The following MRPL1 variants were observed in gnomAD, a reference collection of about 807,000 sequenced individuals.
The protein encoded by MRPL1 is mitochondrial ribosomal protein L1, also known as large ribosomal subunit protein uL1m.
A neutral mutation model predicts 38.0 loss-of-function variants in MRPL1; 28 were observed. That is an observed-to-expected ratio of 0.74 (90% CI 0.55 to 1.01). The LOEUF (loss-of-function observed/expected upper bound fraction) is 1.01. MRPL1 is among the 50% of genes least tolerant of loss of function. MRPL1 has a pLI of 0.00. For synonymous variants in MRPL1, 123 were observed against 126.7 expected, an observed-to-expected ratio of 0.97 and a Z score of 0.20; for missense variants, 358 against 389.8, an observed-to-expected ratio of 0.92 and a Z score of 0.69.
chr4:77,914,830 T>C (rs184870163), intron 7 of MRPL1, among the ~76,000 whole-genome samples: 216 of 152,220 alleles, frequency 1.4e-3, no homozygotes, highest in African/African-American at 4.9e-3. Flanking sequence ...AGCGTCCTTA[T>C]TTTGGATAAA....
intron 6 of MRPL1, among the ~76,000 whole-genome samples, chr4:77,900,905 A>G (rs1736020011): frequency 6.6e-6 from 1 of 152,092 alleles, no homozygotes; most frequent in Admixed American, 6.6e-5. Context: ...AGAAGGAAAG[A>G]GTCTGGTAGT....
At chr4:77,892,718 C>T (rs1296995385) in intron 5 of MRPL1, among the ~76,000 whole-genome samples, 1 of 152,162 alleles carries the variant, frequency 6.6e-6, no homozygotes, top group Admixed American at 6.5e-5. Flanking sequence ...GAAATTGCCT[C>T]TGCTTTCCTA....
At chr4:77,899,306 C>T (rs1405459722) in intron 6 of MRPL1, among the ~76,000 whole-genome samples, 1 of 151,968 alleles carries the variant, frequency 6.6e-6, no homozygotes, top group African/African-American at 2.4e-5. Context: ...CATGCCTGGC[C>T]ATTTATGCTC....
At chr4:77,874,453 T>C (rs950703327) in intron 2 of MRPL1, among the ~76,000 whole-genome samples, 1 of 152,206 alleles carries the variant, frequency 6.6e-6, no homozygotes, top group Admixed American at 6.5e-5. Flanking sequence ...CAAGTGATCC[T>C]GCAAGTGAAT....
chr4:77,935,433 C>T (rs776369905), intron 7 of MRPL1, among the ~76,000 whole-genome samples: 11 of 152,068 alleles, frequency 7.2e-5, no homozygotes, highest in South Asian at 4.1e-4. Context: ...CTCGCTCTCT[C>T]GCCCAGGCTG....
At chr4:77,886,810 T>TTTTTTTTG (rs1735688040) in intron 4 of MRPL1, among the ~76,000 whole-genome samples, 2 of 137,146 alleles carry the variant, frequency 1.5e-5, no homozygotes, top group Non-Finnish European at 3.1e-5. Flanking sequence ...TTTTTTTTTT[T>TTTTTTTTG]GAGATGGAGT....
At chr4:77,945,635 G>A (rs773928813) in intron 7 of MRPL1, among the ~76,000 whole-genome samples, 1 of 151,946 alleles carries the variant, frequency 6.6e-6, no homozygotes, top group African/African-American at 2.4e-5. Context: ...GTGTCGGCCG[G>A]CTGAGAAATA....
intron 7 of MRPL1, among the ~76,000 whole-genome samples, chr4:77,949,092 T>C (rs1403266206): frequency 2.0e-5 from 3 of 152,216 alleles, no homozygotes. Context: ...AAAATTGATT[T>C]ATTTGGCACA....
intron 1 of MRPL1, among the ~76,000 whole-genome samples, chr4:77,869,539 C>G (rs1735228545): frequency 6.6e-6 from 1 of 152,096 alleles, no homozygotes; most frequent in Admixed American, 6.6e-5. Context: ...TTCTGGTTGT[C>G]ATGACTGATA....
intron 2 of MRPL1, among the ~76,000 whole-genome samples, chr4:77,872,253 C>G (rs1450704308): frequency 1.3e-5 from 2 of 152,126 alleles, no homozygotes; most frequent in Non-Finnish European, 2.9e-5. Context: ...CTTTTTAGAA[C>G]AGAACCCACT....
chr4:77,920,154 T>C lies in MRPL1; in HGVS notation c.777+10782T>C, dbSNP rs543771528. Among the ~76,000 whole-genome samples, 6 of 152,336 alleles carry C rather than the reference T, an allele frequency of 3.9e-5. No individual in the cohort carries two copies. In the South Asian group the frequency reaches 1.2e-3, roughly 32 times the overall value. On this transcript the variant is annotated intron_variant, in intron 7 of 8. Coordinates refer to ENST00000315567, the MANE Select transcript of MRPL1 (RefSeq NM_020236.4). Reference sequence around the variant, plus strand: ...GTCTTTATAAGTGCTTTGCTATCATTGTAGCAACTTGGTAGAATTTGCCAC... The same window carrying C: ...GTCTTTATAAGTGCTTTGCTATCATCGTAGCAACTTGGTAGAATTTGCCAC...
At chr4:77,930,763 A>G (rs1736826555) in intron 7 of MRPL1, among the ~76,000 whole-genome samples, 1 of 152,002 alleles carries the variant, frequency 6.6e-6, no homozygotes. Context: ...TCAGAATCCA[A>G]CCCTTATTTT....
intron 6 of MRPL1, among the ~76,000 whole-genome samples, chr4:77,896,436 A>G (rs952124455): frequency 2.0e-5 from 3 of 152,064 alleles, no homozygotes; most frequent in Non-Finnish European, 4.4e-5. Context: ...CCCCAACATG[A>G]TCTATTTAAT....
intron 8 of MRPL1, 55 bp downstream of exon 8, chr4:77,949,933 TA>T: frequency 9.5e-7 from 1 of 1,051,138 alleles, no homozygotes; most frequent in Non-Finnish European, 1.4e-6. Flanking sequence ...CTTTAAAATG[TA>T]AAATATGAAG....
chr4:77,871,859 A>T lies in MRPL1; in HGVS notation c.143+4A>T, dbSNP rs1469557904. The T allele has an allele frequency of 6.4e-7, 1 of 1,563,668 alleles. No homozygotes were observed. The highest frequency in any genetic ancestry group is 8.7e-7 in the Non-Finnish European group (1 of 1,148,104). ...GACATTTTGCTGCTGCTACAAAGTA[A>T]GTATTTTTTTTTAGTTATTATTTCA... is the stretch of plus-strand genomic sequence containing the variant. On this transcript the variant is annotated splice_donor_region_variant and intron_variant, in intron 2 of 8. Transcript: ENST00000315567.
At chr4:77,948,857 G>A (rs1362653204) in intron 7 of MRPL1, among the ~76,000 whole-genome samples, 4 of 149,064 alleles carry the variant, frequency 2.7e-5, no homozygotes, top group South Asian at 4.2e-4. Context: ...TGCAACCTCC[G>A]CCTCCTGGGA....
chr4:77,897,818 G>A (rs78624674), intron 6 of MRPL1, among the ~76,000 whole-genome samples: 2,173 of 152,246 alleles, frequency 0.014, 56 homozygotes, highest in African/African-American at 0.05. Context: ...TAACCAAAAC[G>A]GAGAATTTTT....
rs769394277 is a variant in MRPL1, at chr4:77,895,112, ATCTGCAT to A, written c.670+866_670+872del. ...GAATGATGGGCTAATGAGCATGAAC[ATCTGCAT>A]TCTATATTCAGCAGGACTCAGAAGT... On this transcript the variant is annotated intron_variant, in intron 6 of 8. Transcript: ENST00000315567. Among the ~76,000 whole-genome samples the A allele has an allele frequency of 7.2e-5, 11 of 152,272 alleles. No homozygotes were observed. The South Asian group carries it at 1.7e-3, about 23-fold the overall frequency.
intron 7 of MRPL1, among the ~76,000 whole-genome samples, chr4:77,910,631 A>C (rs567325944): frequency 6.6e-6 from 1 of 152,278 alleles, no homozygotes; most frequent in Admixed American, 6.5e-5. Context: ...GCTGGGTGCT[A>C]TGTTGCCCAG....
Sources: allele counts gnomAD v4.1 joint callset (sites outside exome capture counted in the v4.1 genomes callset), GRCh38; gene constraint gnomAD v4.1.1; transcripts MANE v1.5; gene names NCBI Gene and HGNC (gene_info 2026-07-23, HGNC 2026-07-21).